WDR64: variants seen among roughly 807,000 people sequenced by gnomAD.
WDR64 encodes the protein WD repeat domain 64, also known as WD repeat-containing protein 64.
A neutral mutation model predicts 139.3 loss-of-function variants in WDR64; 112 were observed. The ratio of observed to expected loss-of-function variants is 0.80; its 90% confidence interval spans 0.69 to 0.94. The LOEUF is 0.94. Among genes scored for constraint, WDR64 ranks in the 40% least tolerant of loss-of-function variants. The probability of loss-of-function intolerance (pLI) is 0.00; values close to 1 mark genes in which losing one functional copy is unlikely to be tolerated. For missense variants in WDR64, 1,206 were observed against 1,293.1 expected, an observed-to-expected ratio of 0.93 and a Z score of 1.03; for synonymous variants, 444 against 437.7, an observed-to-expected ratio of 1.01 and a Z score of -0.18.
At chr1:241,665,014 T>C (rs1443727558) in intron 2 of WDR64, among the ~76,000 whole-genome samples, 2 of 151,958 alleles carry the variant, frequency 1.3e-5, no homozygotes, top group African/African-American at 2.4e-5. Flanking sequence ...CTGGGCAACA[T>C]GGTAAGACCC....
chr1:241,772,451 C>CTTTTTTTTTT (rs534177884), intron 19 of WDR64, among the ~76,000 whole-genome samples: 596 of 59,044 alleles, frequency 0.01, 137 homozygotes, highest in African/African-American at 0.014. Flanking sequence ...AAGATAGATC[C>CTTTTTTTTTT]TTTTTTTTTT....
chr1:241,734,388 T>C (rs1669213073), intron 10 of WDR64, among the ~76,000 whole-genome samples: 1 of 152,190 alleles, frequency 6.6e-6, no homozygotes, highest in African/African-American at 2.4e-5. Context: ...ATAAACTTTC[T>C]GAATTAACCT....
intron 8 of WDR64, among the ~76,000 whole-genome samples, chr1:241,698,870 G>A (rs1404618538): frequency 2.0e-5 from 3 of 152,166 alleles, no homozygotes; most frequent in African/African-American, 7.2e-5. Context: ...AATTTATAAA[G>A]GAAAGAGGTT....
At chr1:241,677,124 A>G (rs76557239) in intron 4 of WDR64, among the ~76,000 whole-genome samples, 1 of 152,312 alleles carries the variant, frequency 6.6e-6, no homozygotes, top group Non-Finnish European at 1.5e-5. Flanking sequence ...ATTAAATGCT[A>G]TTAATAAAAG....
rs1041773987 is a variant in WDR64 at position 241,656,355 on chromosome 1, T to C, written c.145+3726T>C. Among the ~76,000 whole-genome samples, 4 of 152,230 alleles carry C rather than the reference T, an allele frequency of 2.6e-5. No individual in the cohort carries two copies. The highest frequency in any genetic ancestry group is 4.8e-5 in the African/African-American group (2 of 41,464). ...ATATCAAGTAGATTGAAGGAATTTG[T>C]TCAAAAGTAATGCTCTTAGATCTTG... On this transcript the variant is annotated intron_variant, in intron 1 of 27. Coordinates refer to ENST00000437684, the MANE Select transcript of WDR64 (RefSeq NM_001367482.1). The surrounding 1 kb of genome is among the most constrained non-coding windows in gnomAD (Gnocchi z 4.3).
At chr1:241,686,686 C>T (rs942658638) in intron 7 of WDR64, among the ~76,000 whole-genome samples, 7 of 152,130 alleles carry the variant, frequency 4.6e-5, no homozygotes, top group Non-Finnish European at 4.4e-5. Context: ...AACTGATGGC[C>T]AACACTCTGA....
intron 2 of WDR64, among the ~76,000 whole-genome samples, chr1:241,661,101 T>TA (rs543304759): frequency 1.3e-5 from 2 of 152,012 alleles, no homozygotes; most frequent in Non-Finnish European, 2.9e-5. Context: ...TATTTATTCT[T>TA]AAAAAAATTA....
chr1:241,676,821 C>T (rs1666576762), intron 4 of WDR64, among the ~76,000 whole-genome samples: 1 of 150,342 alleles, frequency 6.7e-6, no homozygotes, highest in African/African-American at 2.5e-5. Context: ...GGTCTCAAGC[C>T]ATCCTCCCAC....
chr1:241,738,312 G>C (rs1047264838), intron 10 of WDR64, 51 bp from the exon 11 acceptor site: 1 of 1,579,384 alleles, frequency 6.3e-7, no homozygotes, highest in African/African-American at 1.4e-5. Context: ...AATATCTTGG[G>C]TGAGAAAGGT....
chr1:241,757,869 A>G (rs138632389), intron 15 of WDR64, among the ~76,000 whole-genome samples: 4 of 152,136 alleles, frequency 2.6e-5, no homozygotes, highest in Middle Eastern at 3.4e-3. Flanking sequence ...AATAATGACT[A>G]TTTCAAAAAT....
intron 14 of WDR64, among the ~76,000 whole-genome samples, chr1:241,754,477 G>A (rs894000299): frequency 5.3e-5 from 8 of 151,652 alleles, no homozygotes; most frequent in Admixed American, 5.3e-4. Flanking sequence ...ATGCTACCAT[G>A]CCCAGCTAAT....
At chr1:241,678,297 A>G (rs60567692) in intron 5 of WDR64, 81 bp downstream of exon 5, 4,713 of 398,102 alleles carry the variant, frequency 0.012, 155 homozygotes, top group African/African-American at 0.076. Context: ...TAAAATCTCA[A>G]TGAAGTACTG....
intron 2 of WDR64, among the ~76,000 whole-genome samples, chr1:241,669,092 G>A (rs997506069): frequency 3.9e-5 from 6 of 152,146 alleles, no homozygotes; most frequent in Non-Finnish European, 5.9e-5. Flanking sequence ...GACATGACCT[G>A]ATGCCATCCA....
intron 8 of WDR64, among the ~76,000 whole-genome samples, chr1:241,696,183 A>G (rs990944258): frequency 6.8e-6 from 1 of 147,386 alleles, no homozygotes; most frequent in African/African-American, 2.5e-5. Flanking sequence ...AACTTACAGC[A>G]CCTGGATTTT....
Position 241,707,139 on chromosome 1 carries a change from G to A in WDR64, c.975-4663G>A, listed in dbSNP as rs539159416. On this transcript the variant is annotated intron_variant, in intron 8 of 27. Coordinates refer to ENST00000437684, the MANE Select transcript of WDR64 (RefSeq NM_001367482.1). ...CCTGCCTGGCTGCTGCAGACTTTGAGTTTGTGACCCTCAACTGATGGACAC... is the reference window on the plus strand; with the variant it reads ...CCTGCCTGGCTGCTGCAGACTTTGAATTTGTGACCCTCAACTGATGGACAC... Among the ~76,000 whole-genome samples the A allele has an allele frequency of 5.9e-5, 9 of 152,224 alleles. No homozygotes were observed. In the East Asian group the frequency reaches 1.7e-3, roughly 29 times the overall value.
chr1:241,660,473 A>G (rs1665781542), intron 1 of WDR64, 57 bp from the exon 2 acceptor site: 2 of 1,520,270 alleles, frequency 1.3e-6, no homozygotes, highest in East Asian at 4.9e-5. Flanking sequence ...TGTAGCTGAA[A>G]TACAAAAGGT....
At chr1:241,773,223 A>G (rs1658527142) in intron 20 of WDR64, among the ~76,000 whole-genome samples, 1 of 152,174 alleles carries the variant, frequency 6.6e-6, no homozygotes, top group African/African-American at 2.4e-5. Flanking sequence ...ACAGACAGAT[A>G]CCCATACTGG....
chr1:241,662,276 T>C (rs945319450), intron 2 of WDR64, among the ~76,000 whole-genome samples: 1 of 152,102 alleles, frequency 6.6e-6, no homozygotes, highest in Admixed American at 6.6e-5. Flanking sequence ...CTGCTCGGGG[T>C]ATCATAAAGC....
At chr1:241,799,720 G>A (rs901589274) in intron 27 of WDR64, among the ~76,000 whole-genome samples, 1 of 152,054 alleles carries the variant, frequency 6.6e-6, no homozygotes, top group East Asian at 1.9e-4. Context: ...AATGCAATGC[G>A]GTATAATTCA....
Sources: allele counts gnomAD v4.1 joint callset (sites outside exome capture counted in the v4.1 genomes callset), GRCh38; gene constraint gnomAD v4.1.1; non-coding constraint Gnocchi (gnomAD v3.1); transcripts MANE v1.5; gene names NCBI Gene and HGNC (gene_info 2026-07-23, HGNC 2026-07-21).